The following MYO1D variants were observed in gnomAD, a reference collection of about 807,000 sequenced individuals.
The protein encoded by MYO1D is unconventional myosin-Id.
In MYO1D, 83 loss-of-function variants were observed where a neutral mutation model predicts 122.0. The observed-to-expected ratio is 0.68, with a 90% confidence interval of 0.57 to 0.82. The LOEUF (loss-of-function observed/expected upper bound fraction) is 0.82, where lower values mean the gene tolerates loss of function less well. Ranked by LOEUF, MYO1D falls within the 40% of genes least tolerant of loss-of-function variation. The pLI is 0.00. For synonymous variants in MYO1D, 464 were observed against 446.9 expected (o/e 1.04, Z -0.48); for missense variants, 1,157 against 1,269.5 (o/e 0.91, Z 1.35).
chr17:32,632,797 G>A (rs1009695054), intron 20 of MYO1D, among the ~76,000 whole-genome samples: 1 of 151,916 alleles, frequency 6.6e-6, no homozygotes, highest in Non-Finnish European at 1.5e-5. Context: ...TAATTTTTGG[G>A]TTCATAATAC....
intron 12 of MYO1D, among the ~76,000 whole-genome samples, chr17:32,746,736 G>A (rs1386472005): frequency 6.6e-6 from 1 of 152,178 alleles, no homozygotes; most frequent in Non-Finnish European, 1.5e-5. Flanking sequence ...GGATTGAAGA[G>A]TTTAAGAAGT....
intron 10 of MYO1D, among the ~76,000 whole-genome samples, chr17:32,755,950 C>T (rs1478354871): frequency 6.6e-6 from 1 of 152,136 alleles, no homozygotes; most frequent in Non-Finnish European, 1.5e-5. Context: ...TCATTTTAAT[C>T]CTGCCTCCAG....
At chr17:32,810,081 T>C (rs922146994) in intron 1 of MYO1D, among the ~76,000 whole-genome samples, 1 of 152,020 alleles carries the variant, frequency 6.6e-6, no homozygotes, top group Non-Finnish European at 1.5e-5. Context: ...GCCAGGAGAA[T>C]GATGTGGCTG....
chr17:32,669,168 A>G (rs911494918), intron 16 of MYO1D, among the ~76,000 whole-genome samples: 1 of 152,168 alleles, frequency 6.6e-6, no homozygotes, highest in African/African-American at 2.4e-5. Context: ...AAAGACAACT[A>G]AGAAATAGTA....
At chr17:32,794,278 G>C (rs907154691) in intron 1 of MYO1D, 1 of 152,068 alleles carries the variant, frequency 6.6e-6, no homozygotes, top group Non-Finnish European at 1.5e-5. Context: ...TCTTCTTCTG[G>C]TGCAATATTT....
intron 21 of MYO1D, among the ~76,000 whole-genome samples, chr17:32,587,721 C>G (rs2087402780): frequency 6.6e-6 from 1 of 152,194 alleles, no homozygotes; most frequent in Non-Finnish European, 1.5e-5. Context: ...ACCCTTCAGC[C>G]TACCCCTTCT....
chr17:32,868,980 G>A (rs935213323), intron 1 of MYO1D, among the ~76,000 whole-genome samples: 4 of 151,772 alleles, frequency 2.6e-5, no homozygotes, highest in Non-Finnish European at 1.5e-5. Flanking sequence ...AGGCTGAGGC[G>A]GGCGGATCAC....
intron 10 of MYO1D, among the ~76,000 whole-genome samples, chr17:32,756,574 CG>C (rs2089949571): frequency 7.1e-6 from 1 of 140,728 alleles, no homozygotes; most frequent in African/African-American, 2.6e-5. Flanking sequence ...CCACTTAAAA[CG>C]GAAAAAAAAA....
chr17:32,539,877 A>G (rs1910784968), intron 21 of MYO1D, among the ~76,000 whole-genome samples: 2 of 152,330 alleles, frequency 1.3e-5, no homozygotes, highest in East Asian at 3.9e-4. Context: ...GTTTTAGGTC[A>G]TTCTACAACT....
At chr17:32,623,690 AG>A in intron 20 of MYO1D, among the ~76,000 whole-genome samples, 2 of 152,176 alleles carry the variant, frequency 1.3e-5, no homozygotes, top group Non-Finnish European at 2.9e-5. Context: ...CAGTCCATTT[AG>A]GTGGCTATGA....
At chr17:32,522,769 A>G (rs929974410) in intron 21 of MYO1D, among the ~76,000 whole-genome samples, 9 of 151,324 alleles carry the variant, frequency 5.9e-5, no homozygotes, top group Admixed American at 2.0e-4. Context: ...GGACTCCATT[A>G]GGAGCATCAT....
chr17:32,671,756 T>G (rs950966367), intron 16 of MYO1D, among the ~76,000 whole-genome samples: 2 of 152,208 alleles, frequency 1.3e-5, no homozygotes, highest in African/African-American at 4.8e-5. Context: ...GGAAACATGT[T>G]TAATGGATGC....
chr17:32,571,688 T>C (rs1307970335), intron 21 of MYO1D, among the ~76,000 whole-genome samples: 1 of 152,184 alleles, frequency 6.6e-6, no homozygotes, highest in African/African-American at 2.4e-5. Context: ...ATTGAAGAAA[T>C]AAGACTTTCA....
chr17:32,764,945 C>T lies in MYO1D; in HGVS notation c.968G>A (p.Gly323Asp). 6.2e-7 allele frequency: 1 copy of T among 1,614,196 alleles called. No homozygotes were observed. Among genetic ancestry groups the T allele is most frequent in the Non-Finnish European group, 8.5e-7 (1 of 1,180,042 alleles). Residue 323 changes from glycine (G) to aspartate (D), a missense_variant, in exon 8 of 22, where the codon GGC becomes GAC. Coordinates refer to ENST00000318217, the MANE Select transcript of MYO1D (RefSeq NM_015194.3). Reference sequence around the variant, plus strand: ...GTGCTGCTTGTCAATGATGTCACGGCCTGTGGCCACAGTCCGGTAAAGAAG... The same window carrying T: ...GTGCTGCTTGTCAATGATGTCACGGTCTGTGGCCACAGTCCGGTAAAGAAG... The part of the protein sequence containing the change: ...KALLYRTVAT[G>D]RDIIDKQHTE...
intron 16 of MYO1D, among the ~76,000 whole-genome samples, chr17:32,687,965 T>A (rs1256016595): frequency 6.6e-6 from 1 of 152,044 alleles, no homozygotes; most frequent in Non-Finnish European, 1.5e-5. Context: ...ATCAGACACA[T>A]CTGCAAAATT....
chr17:32,670,097 T>C (rs2088692289), intron 16 of MYO1D, among the ~76,000 whole-genome samples: 1 of 152,080 alleles, frequency 6.6e-6, no homozygotes, highest in Admixed American at 6.6e-5. Flanking sequence ...GGTTTTGCCA[T>C]GTAAGCCAGG....
chr17:32,496,026 G>A (rs9909325), intron 21 of MYO1D: 10 of 152,362 alleles, frequency 6.6e-5, no homozygotes, highest in African/African-American at 2.4e-4. Context: ...GGGAACGCCA[G>A]GGCCAAGGCC....
chr17:32,875,984 C>CA (rs1385087087), intron 1 of MYO1D, among the ~76,000 whole-genome samples: 3 of 152,074 alleles, frequency 2.0e-5, no homozygotes, highest in Non-Finnish European at 2.9e-5. Context: ...AAAACAAATC[C>CA]ACATCTTGGA....
At chr17:32,699,302 A>C (rs2089216198) in intron 16 of MYO1D, among the ~76,000 whole-genome samples, 1 of 152,210 alleles carries the variant, frequency 6.6e-6, no homozygotes, top group Non-Finnish European at 1.5e-5. Flanking sequence ...TTTAAAGATG[A>C]AATGATATGT....
Sources: allele counts gnomAD v4.1 joint callset (sites outside exome capture counted in the v4.1 genomes callset), GRCh38; gene constraint gnomAD v4.1.1; transcripts MANE v1.5; gene names NCBI Gene and HGNC (gene_info 2026-07-23, HGNC 2026-07-21).